The following AK7 variants were observed in gnomAD, a reference collection of about 807,000 sequenced individuals.
AK7 encodes adenylate kinase 7, also known as ATP-AMP transphosphorylase 7.
AK7 carries 78 observed loss-of-function variants against 96.6 expected under a neutral mutation model. That is an observed-to-expected ratio of 0.81 (90% CI 0.67 to 0.97). The LOEUF (loss-of-function observed/expected upper bound fraction) is 0.97, where lower values mean the gene tolerates loss of function less well. AK7 is among the 50% of genes least tolerant of loss of function. The pLI, the probability that AK7 is intolerant of heterozygous loss-of-function variation, is 0.00. For missense variants in AK7, 855 were observed against 887.9 expected, an observed-to-expected ratio of 0.96 and a Z score of 0.47; for synonymous variants, 302 against 317.2, an observed-to-expected ratio of 0.95 and a Z score of 0.51.
intron 2 of AK7, 31 bp from the exon 3 acceptor site, chr14:96,404,726 G>A: frequency 6.8e-7 from 1 of 1,460,898 alleles, no homozygotes; most frequent in Non-Finnish European, 9.6e-7. Context: ...TTAGCGTCTT[G>A]CTGCAAATGG....
intron 8 of AK7, 105 bp downstream of exon 8, chr14:96,446,712 G>C (rs1267414268): frequency 8.7e-6 from 8 of 921,144 alleles, no homozygotes; most frequent in African/African-American, 1.6e-5. Context: ...AGTCCGAGGC[G>C]GGTGGATCAC....
intron 7 of AK7, among the ~76,000 whole-genome samples, chr14:96,444,529 A>C (rs1297634831): frequency 6.6e-6 from 1 of 152,138 alleles, no homozygotes; most frequent in Admixed American, 6.5e-5. Flanking sequence ...CCAAAGTTCC[A>C]GTCACCAAAC....
At chr14:96,412,259 A>C (rs192631986) in intron 4 of AK7, among the ~76,000 whole-genome samples, 1 of 120,722 alleles carries the variant, frequency 8.3e-6, no homozygotes, top group East Asian at 2.4e-4. Flanking sequence ...ATGAAGTCTT[A>C]CTCTGTTGTT....
chr14:96,451,844 A>G (rs1344118416), intron 10 of AK7, among the ~76,000 whole-genome samples: 1 of 152,210 alleles, frequency 6.6e-6, no homozygotes, highest in Admixed American at 6.6e-5. Flanking sequence ...AATGTATGCA[A>G]AATTATCTAA....
chr14:96,396,196 C>T (rs1890074752), intron 1 of AK7, among the ~76,000 whole-genome samples: 1 of 152,128 alleles, frequency 6.6e-6, no homozygotes. Context: ...CATGAGCCAC[C>T]ACGCTCTGTC....
Position 96,471,611 on chromosome 14 carries a change from G to A in AK7, c.1486+5G>A. On this transcript the variant is annotated splice_donor_5th_base_variant and intron_variant, in intron 13 of 17. Coordinates refer to ENST00000267584, the MANE Select transcript of AK7 (RefSeq NM_152327.5). ...AAGCAAAAGACCTGTTCAATCGTAA[G>A]TTTGAGTGTTCTATTTTGAGTATTT... 1 of 1,535,634 alleles carries A rather than the reference G, an allele frequency of 6.5e-7. No homozygotes were observed. Among genetic ancestry groups the A allele is most frequent in the Admixed American group, 2.1e-5 (1 of 46,648 alleles).
intron 15 of AK7, among the ~76,000 whole-genome samples, chr14:96,481,475 T>C (rs1895498613): frequency 6.6e-6 from 1 of 152,096 alleles, no homozygotes; most frequent in African/African-American, 2.4e-5. Flanking sequence ...GCCTCCCAAG[T>C]AGCTGGGATT....
At chr14:96,409,889 G>A (rs937643144) in intron 4 of AK7, among the ~76,000 whole-genome samples, 8 of 152,156 alleles carry the variant, frequency 5.3e-5, no homozygotes, top group Non-Finnish European at 1.2e-4. Flanking sequence ...TTAAATCAAC[G>A]CGAGTAGTTG....
At chr14:96,421,415 A>G (rs1891684687) in intron 5 of AK7, 1 of 152,352 alleles carries the variant, frequency 6.6e-6, no homozygotes, top group African/African-American at 2.4e-5. Context: ...CCTTCTAACA[A>G]GGCTGTTATC....
At position 96,486,888 on chromosome 14, in the gene AK7, T is replaced by G. The variant is rs769537974; in HGVS notation, c.1975-10T>G. On this transcript the variant is annotated splice_polypyrimidine_tract_variant and intron_variant, in intron 16 of 17. Coordinates refer to ENST00000267584, the MANE Select transcript of AK7 (RefSeq NM_152327.5). ...ACACATTTACTTTACCACCAAATAT[T>G]CTATTTTAGAATAAACGACTGGAGG... 1 of 1,612,204 alleles carries G rather than the reference T, an allele frequency of 6.2e-7. No homozygotes were observed. Among genetic ancestry groups the G allele is most frequent in the South Asian group, 1.1e-5 (1 of 91,026 alleles).
chr14:96,437,680 T>C (rs45628241), intron 5 of AK7, among the ~76,000 whole-genome samples, 155 bp from the exon 6 acceptor site: 121 of 152,322 alleles, frequency 7.9e-4, no homozygotes, highest in Middle Eastern at 3.4e-3. Flanking sequence ...CGTTTCTCTC[T>C]TTAAGAGATA....
At chr14:96,471,333 T>TAAA (rs35566282) in intron 12 of AK7, 145 bp from the exon 13 acceptor site, 60 of 186,088 alleles carry the variant, frequency 3.2e-4, no homozygotes, top group South Asian at 8.8e-4. Flanking sequence ...CCCGTCTCTT[T>TAAA]AAAAAAAAAA....
At chr14:96,458,723 C>A (rs1263264921) in intron 12 of AK7, among the ~76,000 whole-genome samples, 13 of 131,150 alleles carry the variant, frequency 9.9e-5, no homozygotes, top group Non-Finnish European at 1.9e-4. Flanking sequence ...GCCTGGGCAA[C>A]AAGAGTGAAA....
Position 96,398,184 on chromosome 14 carries a change from A to G in AK7, c.215A>G (p.Lys72Arg). The part of the protein sequence containing the change: ...AMLEASSTKV[K>R]EGTFQIVGTL... ...CTGGAAGCTTCCTCAACCAAAGTGA[A>G]GGAAGGCACATTCCAGATTGTGGGC... Residue 72 changes from lysine to arginine, a missense_variant, in exon 2 of 18, where the codon AAG becomes AGG. Physicochemically the swap from Lys to Arg is conservative, Grantham distance 26 (BLOSUM62 2). Coordinates refer to ENST00000267584, the MANE Select transcript of AK7 (RefSeq NM_152327.5). The G allele has an allele frequency of 6.2e-7, 1 of 1,614,180 alleles. No homozygotes were observed. The highest frequency in any genetic ancestry group is 8.5e-7 in the Non-Finnish European group (1 of 1,180,034).
chr14:96,423,587 T>A (rs947701052), intron 5 of AK7: 2 of 498,114 alleles, frequency 4.0e-6, no homozygotes, highest in East Asian at 5.0e-5. Flanking sequence ...TCAGGTCTTG[T>A]CTGTCCAAAG....
At chr14:96,415,618 T>C (rs1232754322) in intron 4 of AK7, among the ~76,000 whole-genome samples, 1 of 152,010 alleles carries the variant, frequency 6.6e-6, no homozygotes, top group Non-Finnish European at 1.5e-5. Flanking sequence ...TAGGTCTTTT[T>C]GAGTTTGGTT....
At chr14:96,401,556 A>G (rs1444837076) in intron 2 of AK7, among the ~76,000 whole-genome samples, 1 of 152,198 alleles carries the variant, frequency 6.6e-6, no homozygotes, top group Non-Finnish European at 1.5e-5. Flanking sequence ...GCTGTGGCAG[A>G]GAAAGAGCAT....
At chr14:96,445,936 C>A (rs1166008363) in intron 7 of AK7, among the ~76,000 whole-genome samples, 1 of 152,174 alleles carries the variant, frequency 6.6e-6, no homozygotes, top group African/African-American at 2.4e-5. Flanking sequence ...CACCTACATG[C>A]TAGGGCTGTG....
Position 96,392,235 on chromosome 14 carries a change from C to G in AK7, c.81C>G (p.Ser27=). Reference sequence around the variant, plus strand: ...GGGTGTTTATAAACCTGTTGGATTCCTACAGCAGCGGAAACATCGGGAAGG... The same window carrying G: ...GGGTGTTTATAAACCTGTTGGATTCGTACAGCAGCGGAAACATCGGGAAGG... ...TQRVFINLLD[S]YSSGNIGKFL... is the part of the protein sequence containing the mutation. Residue 27 remains serine (S), a synonymous_variant, in exon 1 of 18, where the codon TCC becomes TCG. Coordinates refer to ENST00000267584, the MANE Select transcript of AK7 (RefSeq NM_152327.5). 1 of 1,613,158 alleles carries G rather than the reference C, an allele frequency of 6.2e-7. No homozygotes were observed. Among genetic ancestry groups the G allele is most frequent in the Non-Finnish European group, 8.5e-7 (1 of 1,179,220 alleles).
Sources: gnomAD v4.1 joint callset for allele counts (sites outside exome capture counted in the v4.1 genomes callset) on GRCh38, gnomAD v4.1.1 for gene constraint, MANE v1.5 for transcripts, NCBI Gene and HGNC (gene_info 2026-07-23, HGNC 2026-07-21) for gene names.